DACH2: variants seen among roughly 807,000 people sequenced by gnomAD.
The protein encoded by DACH2 is dachshund homolog 2.
A neutral mutation model predicts 35.8 loss-of-function variants in DACH2; 17 were observed. That is an observed-to-expected ratio of 0.48 (90% CI 0.33 to 0.71). DACH2 has a LOEUF of 0.71. DACH2 is among the 30% of genes least tolerant of loss of function. The pLI, the probability that DACH2 is intolerant of heterozygous loss-of-function variation, is 0.02. For synonymous variants in DACH2, 195 were observed against 177.3 expected (o/e 1.10, Z -0.79); for missense variants, 469 against 472.7 (o/e 0.99, Z 0.07).
chrX:86,631,028 C>T (rs5923575), intron 3 of DACH2, among the ~76,000 whole-genome samples: 28,491 of 111,360 alleles, frequency 0.26, 3,652 homozygotes, highest in Middle Eastern at 0.42. Flanking sequence ...ACATCACATT[C>T]ACTGACGTGT....
At chrX:86,186,112 A>C (rs944200746) in intron 1 of DACH2, among the ~76,000 whole-genome samples, 3 of 112,728 alleles carry the variant, frequency 2.7e-5, no homozygotes, top group Non-Finnish European at 3.8e-5. Context: ...TGCTCTTTCT[A>C]CTGTAAAATC....
chrX:86,466,406 C>A (rs2037668981), intron 2 of DACH2, among the ~76,000 whole-genome samples: 1 of 110,180 alleles, frequency 9.1e-6, no homozygotes, highest in Non-Finnish European at 1.9e-5. Flanking sequence ...TGTGGGAGTA[C>A]AATACAAGAT....
intron 1 of DACH2, among the ~76,000 whole-genome samples, chrX:86,369,753 C>G (rs2035858627): frequency 9.0e-6 from 1 of 111,106 alleles, no homozygotes; most frequent in Admixed American, 9.6e-5. Flanking sequence ...TTTTACCAAT[C>G]AATAATTCAG....
intron 6 of DACH2, among the ~76,000 whole-genome samples, chrX:86,718,790 G>A (rs2041366641): frequency 9.0e-6 from 1 of 111,502 alleles, no homozygotes; most frequent in African/African-American, 3.3e-5. Flanking sequence ...CTGGCTCTGA[G>A]TGCATGGCTT....
At chrX:86,175,474 T>C (rs1269285200) in intron 1 of DACH2, among the ~76,000 whole-genome samples, 1 of 111,452 alleles carries the variant, frequency 9.0e-6, no homozygotes, top group African/African-American at 3.3e-5. Flanking sequence ...GCTGCAAAGA[T>C]AGCAAATAAC....
At chrX:86,593,497 G>A (rs2039675370) in intron 3 of DACH2, among the ~76,000 whole-genome samples, 1 of 107,345 alleles carries the variant, frequency 9.3e-6, no homozygotes, top group African/African-American at 3.5e-5. Context: ...CAGGATTTTG[G>A]CTCACTGCAA....
Position 86,179,573 on chromosome X carries a change from A to C in DACH2, c.488+30465A>C, listed in dbSNP as rs147076967. Among the ~76,000 whole-genome samples the C allele has an allele frequency of 6.2e-3, 699 of 112,124 alleles. 9 individuals are homozygous for C. The highest frequency in any genetic ancestry group is 0.021 in the African/African-American group (654 of 31,001). ...AATACGTACTATCCATATACCTGAC[A>C]CATGTCATCTATTGGCAGGAAATAT... On this transcript the variant is annotated intron_variant, in intron 1 of 11. Coordinates refer to ENST00000373125, the MANE Select transcript of DACH2 (RefSeq NM_053281.3).
At chrX:86,500,505 G>A (rs774607468) in intron 2 of DACH2, among the ~76,000 whole-genome samples, 1 of 111,788 alleles carries the variant, frequency 8.9e-6, no homozygotes, top group East Asian at 2.8e-4. Context: ...AAAAAATGTC[G>A]TTTAAAGTAG....
chrX:86,456,459 G>A (rs1469478489), intron 2 of DACH2, among the ~76,000 whole-genome samples: 2 of 111,622 alleles, frequency 1.8e-5, no homozygotes, highest in African/African-American at 6.5e-5. Flanking sequence ...CACAGGTAGT[G>A]TTATTATCTT....
chrX:86,454,441 C>G (rs994377960), intron 2 of DACH2, among the ~76,000 whole-genome samples: 2 of 112,192 alleles, frequency 1.8e-5, no homozygotes, highest in South Asian at 7.4e-4. Flanking sequence ...TTTCATTACA[C>G]AATCCCATGT....
intron 1 of DACH2, among the ~76,000 whole-genome samples, chrX:86,224,223 C>T (rs1358552577): frequency 9.0e-6 from 1 of 110,756 alleles, no homozygotes; most frequent in Non-Finnish European, 1.9e-5. Context: ...GAATTGCGTG[C>T]AACTTGAAGA....
At chrX:86,515,307 G>T (rs1391751031) in intron 3 of DACH2, among the ~76,000 whole-genome samples, 2 of 110,783 alleles carry the variant, frequency 1.8e-5, no homozygotes, top group African/African-American at 6.6e-5. Flanking sequence ...AATGGAAGCA[G>T]TTATATCAAT....
At chrX:86,431,817 T>C (rs2036989899) in intron 2 of DACH2, among the ~76,000 whole-genome samples, 1 of 111,823 alleles carries the variant, frequency 8.9e-6, no homozygotes, top group Non-Finnish European at 1.9e-5. Context: ...TTACTAGTCA[T>C]CCATTTGATG....
At chrX:86,160,735 C>A in intron 1 of DACH2, 3 of 460,820 alleles carry the variant, frequency 6.5e-6, no homozygotes, top group Non-Finnish European at 7.7e-6. Context: ...TCATTTCACT[C>A]GAAGCTTTAT....
intron 7 of DACH2, among the ~76,000 whole-genome samples, chrX:86,773,958 C>T (rs1202552991): frequency 8.9e-6 from 1 of 111,902 alleles, no homozygotes; most frequent in Non-Finnish European, 1.9e-5. Context: ...AGTGGGATTG[C>T]TGAATCACAT....
chrX:86,568,755 C>G (rs2039325560), intron 3 of DACH2, among the ~76,000 whole-genome samples: 1 of 111,182 alleles, frequency 9.0e-6, no homozygotes, highest in Non-Finnish European at 1.9e-5. Context: ...AAGCTATATG[C>G]TAGACACTAC....
chrX:86,466,472 G>A (rs974944458), intron 2 of DACH2, among the ~76,000 whole-genome samples: 6 of 110,383 alleles, frequency 5.4e-5, no homozygotes, highest in Non-Finnish European at 1.1e-4. Flanking sequence ...TGGCCCCTCC[G>A]AATCTCAGGT....
chrX:86,824,051 C>T (rs151298568), intron 11 of DACH2, among the ~76,000 whole-genome samples: 2,771 of 111,030 alleles, frequency 0.025, 86 homozygotes, highest in African/African-American at 0.086. Context: ...CAACAGAAAA[C>T]AGAGTTTGAG....
At chrX:86,563,493 G>GA (rs774434410) in intron 3 of DACH2, among the ~76,000 whole-genome samples, 13 of 110,747 alleles carry the variant, frequency 1.2e-4, no homozygotes, top group African/African-American at 3.9e-4. Flanking sequence ...AAATTAATTT[G>GA]AAAATGTAAT....
Sources: allele counts gnomAD v4.1 joint callset (sites outside exome capture counted in the v4.1 genomes callset), GRCh38; gene constraint gnomAD v4.1.1; transcripts MANE v1.5; gene names NCBI Gene and HGNC (gene_info 2026-07-23, HGNC 2026-07-21).